CDH6: variants seen among roughly 807,000 people sequenced by gnomAD.
CDH6 encodes the protein cadherin-6.
In CDH6, 31 loss-of-function variants were observed where a neutral mutation model predicts 78.0. The ratio of observed to expected loss-of-function variants is 0.40; its 90% CI spans 0.30 to 0.54. The LOEUF is 0.54. Ranked by LOEUF, CDH6 falls within the 20% of genes least tolerant of loss-of-function variation. The pLI is 0.56. For synonymous variants in CDH6, 376 were observed against 368.8 expected (o/e 1.02, Z -0.23); for missense variants, 724 against 975.9 (o/e 0.74, Z 3.44).
At chr5:31,259,585 C>T (rs1030157978) in intron 1 of CDH6, among the ~76,000 whole-genome samples, 2 of 152,320 alleles carry the variant, frequency 1.3e-5, no homozygotes, top group Non-Finnish European at 2.9e-5. Flanking sequence ...AACATTTAAG[C>T]AGAGAATAAT....
intron 11 of CDH6, among the ~76,000 whole-genome samples, chr5:31,320,528 T>A (rs1738453134): frequency 1.3e-5 from 2 of 152,158 alleles, no homozygotes; most frequent in South Asian, 4.1e-4. Flanking sequence ...TCCCAATGGA[T>A]GTCCTTACTT....
At chr5:31,254,564 C>A (rs1280631371) in intron 1 of CDH6, among the ~76,000 whole-genome samples, 1 of 152,150 alleles carries the variant, frequency 6.6e-6, no homozygotes, top group Non-Finnish European at 1.5e-5. Flanking sequence ...TTCCAACTGA[C>A]AGCAATTGGG....
At chr5:31,287,498 T>C (rs954325421) in intron 2 of CDH6, among the ~76,000 whole-genome samples, 10 of 152,204 alleles carry the variant, frequency 6.6e-5, no homozygotes, top group Admixed American at 5.9e-4. Context: ...ATTTATTGTC[T>C]GAGAAACCTA....
chr5:31,322,690 T>A (rs1433890948), intron 11 of CDH6, 128 bp from the exon 12 acceptor site: 2 of 1,098,588 alleles, frequency 1.8e-6, no homozygotes, highest in Non-Finnish European at 2.6e-6. Flanking sequence ...CTTAAAGAAA[T>A]AAAAGTTGAG....
At chr5:31,243,782 A>G (rs1348086593) in intron 1 of CDH6, among the ~76,000 whole-genome samples, 1 of 152,156 alleles carries the variant, frequency 6.6e-6, no homozygotes, top group African/African-American at 2.4e-5. Context: ...AGTCCCTGCT[A>G]CTTTCTTTAA....
chr5:31,196,955 GC>G (rs1561192330), intron 1 of CDH6, among the ~76,000 whole-genome samples: 2 of 150,634 alleles, frequency 1.3e-5, no homozygotes, highest in Non-Finnish European at 3.0e-5. Flanking sequence ...GAGCGCCGCC[GC>G]CCCCCGCCCC....
rs1387985740 is a variant in CDH6, at chr5:31,294,511, C to A, written c.523+255C>A. ...TGGGAGTGGGAGGTTGAAAGAGAGA[C>A]CATCTCCTTTCTCTCCCACCCTAAA... On this transcript the variant is annotated intron_variant, in intron 3 of 11. Transcript: ENST00000265071. The surrounding 1 kb of genome is among the most constrained non-coding windows in gnomAD (Gnocchi z 4.1). Among the ~76,000 whole-genome samples, 1 of 151,632 alleles carries A rather than the reference C, an allele frequency of 6.6e-6. No individual in the cohort carries two copies. The highest frequency in any genetic ancestry group is 1.5e-5 in the Non-Finnish European group (1 of 67,952).
intron 1 of CDH6, chr5:31,249,368 T>G (rs1350800449): frequency 6.6e-6 from 1 of 152,194 alleles, no homozygotes; most frequent in Non-Finnish European, 1.5e-5. Context: ...AATCCACCTA[T>G]TATATAATTT....
At chr5:31,210,280 C>T (rs1046175220) in intron 1 of CDH6, among the ~76,000 whole-genome samples, 3 of 152,076 alleles carry the variant, frequency 2.0e-5, no homozygotes, top group Non-Finnish European at 2.9e-5. Flanking sequence ...TTTGGGAGGC[C>T]GAGGTGGGTG....
At chr5:31,281,462 T>C (rs1742861781) in intron 2 of CDH6, among the ~76,000 whole-genome samples, 1 of 152,090 alleles carries the variant, frequency 6.6e-6, no homozygotes, top group Admixed American at 6.6e-5. Flanking sequence ...CTCAATCAAT[T>C]TTTGACTGGG....
chr5:31,244,427 C>T (rs1046017355), intron 1 of CDH6, among the ~76,000 whole-genome samples: 1 of 152,258 alleles, frequency 6.6e-6, no homozygotes, highest in African/African-American at 2.4e-5. Flanking sequence ...CCATCTTAAG[C>T]CTAATTAAGG....
chr5:31,235,034 T>C (rs1378215052), intron 1 of CDH6, among the ~76,000 whole-genome samples: 1 of 152,132 alleles, frequency 6.6e-6, no homozygotes, highest in African/African-American at 2.4e-5. Flanking sequence ...CTCAATATCA[T>C]CAATTAATAG....
chr5:31,287,961 C>T (rs952664088), intron 2 of CDH6, among the ~76,000 whole-genome samples: 49 of 152,208 alleles, frequency 3.2e-4, no homozygotes, highest in Admixed American at 3.1e-3. Flanking sequence ...ACATTACAGG[C>T]TGGTCGGATA....
intron 1 of CDH6, among the ~76,000 whole-genome samples, chr5:31,252,133 G>T (rs551631812): frequency 6.6e-6 from 1 of 152,290 alleles, no homozygotes; most frequent in African/African-American, 2.4e-5. Context: ...GAGGGTGGCT[G>T]TGATTCAATT....
chr5:31,216,304 A>G (rs189471458), intron 1 of CDH6, among the ~76,000 whole-genome samples: 174 of 152,274 alleles, frequency 1.1e-3, no homozygotes, highest in Non-Finnish European at 1.8e-3. Context: ...GGGGACAGCA[A>G]TCTATGGCTC....
chr5:31,203,359 C>G (rs1740421755), intron 1 of CDH6, among the ~76,000 whole-genome samples: 1 of 140,296 alleles, frequency 7.1e-6, no homozygotes, highest in Non-Finnish European at 1.5e-5. Flanking sequence ...AACTCGTCAT[C>G]TAGCATTAGG....
chr5:31,302,348 C>G lies in CDH6; in HGVS notation c.999+50C>G, dbSNP rs751024358. On this transcript the variant is annotated intron_variant, in intron 6 of 11. Coordinates refer to ENST00000265071, the MANE Select transcript of CDH6 (RefSeq NM_004932.4). ...ACAGAGTGAACCCATTTACTTTTCT[C>G]CAGTTCCTAAGTTACCAGGGGCAAT... 8.7e-6 allele frequency: 12 copies of G among 1,382,874 alleles called. No individual in the cohort carries two copies. The South Asian group carries it at 1.7e-4, about 19-fold the overall frequency. 85.7% of individuals were successfully genotyped at this position (1,382,874 alleles called of 1,614,324 possible).
intron 2 of CDH6, among the ~76,000 whole-genome samples, chr5:31,277,566 A>C (rs1742732661): frequency 6.6e-6 from 1 of 152,188 alleles, no homozygotes. Context: ...CAGAATAATT[A>C]ATTCTTTGTT....
chr5:31,235,255 C>CTTTTTTTTTTTTTTT (rs1741423729), intron 1 of CDH6, among the ~76,000 whole-genome samples: 1 of 16,318 alleles, frequency 6.1e-5, no homozygotes, highest in Non-Finnish European at 1.5e-4. Context: ...TTTTTTTTTG[C>CTTTTTTTTTTTTTTT]CTTGTATGCC....
Sources: gnomAD v4.1 joint callset for allele counts (sites outside exome capture counted in the v4.1 genomes callset) on GRCh38, gnomAD v4.1.1 for gene constraint, Gnocchi (gnomAD v3.1) non-coding constraint, MANE v1.5 for transcripts, NCBI Gene and HGNC (gene_info 2026-07-23, HGNC 2026-07-21) for gene names.